Variants in RYR2 observed in about 807,000 individuals in gnomAD.
RYR2 encodes the protein cardiac muscle ryanodine receptor-calcium release channel.
Under a neutral mutation model 601.1 loss-of-function variants are expected in RYR2, and 227 were observed. The ratio of observed to expected loss-of-function variants is 0.38; its 90% CI spans 0.34 to 0.42. RYR2 has a LOEUF of 0.42. Ranked by LOEUF, RYR2 falls within the 10% of genes least tolerant of loss-of-function variation. The pLI, the probability that RYR2 is intolerant of heterozygous loss-of-function variation, is 1.00. For synonymous variants in RYR2, 2,223 were observed against 2,175.1 expected, an observed-to-expected ratio of 1.02 and a Z score of -0.61; for missense variants, 4,646 against 6,156.5, an observed-to-expected ratio of 0.75 and a Z score of 8.21.
intron 3 of RYR2, among the ~76,000 whole-genome samples, chr1:237,344,866 G>T (rs1056902086): frequency 8.5e-5 from 13 of 152,056 alleles, no homozygotes; most frequent in Admixed American, 7.2e-4. Context: ...GAGTGCAGTG[G>T]CACCATCTTG....
chr1:237,631,282 C>A (rs1020388115), intron 41 of RYR2, 145 bp from the exon 42 acceptor site: 2 of 583,170 alleles, frequency 3.4e-6, no homozygotes, highest in Admixed American at 3.4e-5. Context: ...CAATTACATT[C>A]ATTAATTTTT....
At chr1:237,503,261 A>C (rs1163474541) in intron 21 of RYR2, 28 bp from the exon 22 acceptor site, 1 of 1,559,522 alleles carries the variant, frequency 6.4e-7, no homozygotes, top group African/African-American at 1.4e-5. Flanking sequence ...CCAGAGATAA[A>C]ATTGACTCTA....
chr1:237,079,674 A>G (rs1312248617), intron 1 of RYR2, among the ~76,000 whole-genome samples: 1 of 124,644 alleles, frequency 8.0e-6, no homozygotes, highest in Non-Finnish European at 1.6e-5. Flanking sequence ...GGGTAGGAAG[A>G]ATCAATATCG....
chr1:237,100,663 G>A (rs1337081997), intron 1 of RYR2, among the ~76,000 whole-genome samples: 2 of 152,132 alleles, frequency 1.3e-5, no homozygotes, highest in African/African-American at 4.8e-5. Context: ...TGGGATCACA[G>A]GCATGAGCCA....
At chr1:237,602,200 T>A in intron 35 of RYR2, 89 bp downstream of exon 35, 1 of 882,544 alleles carries the variant, frequency 1.1e-6, no homozygotes, top group Non-Finnish European at 1.7e-6. Flanking sequence ...AGTATATTAG[T>A]ACTGATATGA....
intron 2 of RYR2, among the ~76,000 whole-genome samples, chr1:237,273,687 A>G (rs938940794): frequency 2.0e-5 from 3 of 152,028 alleles, no homozygotes; most frequent in Non-Finnish European, 2.9e-5. Flanking sequence ...AAAAGTAAAT[A>G]TAACTTTCAC....
Position 237,574,349 on chromosome 1 carries a change from T to TG in RYR2, c.3598+5031dup, listed in dbSNP as rs573630218. ...ATTGGGGAAGCCCAGGGAAAGAGGT[T>TG]GCAGTGTTCACTCTTATGGACAGAA... On this transcript the variant is annotated intron_variant, in intron 29 of 104. Transcript: ENST00000366574. Among the ~76,000 whole-genome samples the TG allele has an allele frequency of 6.8e-3, 1,029 of 152,278 alleles. 10 individuals carry two copies. Among genetic ancestry groups the TG allele is most frequent in the South Asian group, 0.011 (53 of 4,830 alleles).
chr1:237,141,164 C>A (rs1275805222), intron 1 of RYR2, among the ~76,000 whole-genome samples: 1 of 152,162 alleles, frequency 6.6e-6, no homozygotes, highest in African/African-American at 2.4e-5. Context: ...TCTTGTCTGG[C>A]TGTAGCTGCT....
rs1289440571 is a variant in RYR2 at position 237,569,167 on chromosome 1, A to G, written c.3446A>G (p.Asn1149Ser). Residue 1149 changes from asparagine (N) to serine (S), a missense_variant, in exon 29 of 105, where the codon AAT becomes AGT. Asn to Ser is a conservative substitution (Grantham distance 46). Around this residue, in one of 17 missense-constraint regions of RYR2, gnomAD observed 1,807 missense variants for 2,088.1 expected, o/e 0.87. Coordinates refer to ENST00000366574, the MANE Select transcript of RYR2 (RefSeq NM_001035.3). ...GFKAQRWHQG[N>S]EHYGRSWQAG... is the part of the protein sequence containing the mutation. ...TAGGCCCAGCGGTGGCATCAGGGCA[A>G]TGAACACTATGGGCGCTCTTGGCAA... The G allele has an allele frequency of 1.9e-6, 3 of 1,613,858 alleles. No homozygotes were observed. Among genetic ancestry groups the G allele is most frequent in the Admixed American group, 1.7e-5 (1 of 60,012 alleles).
At chr1:237,270,674 G>A in intron 2 of RYR2, 58 bp downstream of exon 2, 1 of 1,526,906 alleles carries the variant, frequency 6.5e-7, no homozygotes, top group South Asian at 1.2e-5. Flanking sequence ...TGGCATTGAA[G>A]TTATTTATGA....
chr1:237,611,901 T>A (rs1481336109), intron 36 of RYR2, among the ~76,000 whole-genome samples: 1 of 152,176 alleles, frequency 6.6e-6, no homozygotes, highest in Non-Finnish European at 1.5e-5. Flanking sequence ...CGTTAACATG[T>A]GATCTAGCAA....
At chr1:237,124,449 T>C (rs974944177) in intron 1 of RYR2, among the ~76,000 whole-genome samples, 4 of 152,220 alleles carry the variant, frequency 2.6e-5, no homozygotes, top group African/African-American at 9.6e-5. Flanking sequence ...TACATTATCT[T>C]ACAGTTTTGT....
At chr1:237,399,700 C>T (rs368602597) in intron 10 of RYR2, among the ~76,000 whole-genome samples, 6 of 152,028 alleles carry the variant, frequency 3.9e-5, no homozygotes, top group African/African-American at 7.3e-5. Flanking sequence ...AGGGTTGGAC[C>T]GCACAATCTG....
intron 90 of RYR2, 58 bp downstream of exon 90, chr1:237,785,030 A>ATGATCATTAGACCAGGTTTC: frequency 1.6e-6 from 2 of 1,231,920 alleles, no homozygotes; most frequent in Non-Finnish European, 2.3e-6. Context: ...GGTATAATAA[A>ATGATCATTAGACCAGGTTTC]TGATCATTAG....
chr1:237,826,618 G>A (rs951644109), intron 101 of RYR2, among the ~76,000 whole-genome samples: 4 of 149,908 alleles, frequency 2.7e-5, no homozygotes, highest in Admixed American at 6.7e-5. Flanking sequence ...CGTTCTGCAC[G>A]TGTACCCCAG....
At chr1:237,059,061 C>T (rs1662529881) in intron 1 of RYR2, among the ~76,000 whole-genome samples, 1 of 152,012 alleles carries the variant, frequency 6.6e-6, no homozygotes, top group Non-Finnish European at 1.5e-5. Context: ...AAAACAAGGA[C>T]CTGAACGTCA....
chr1:237,700,338 T>C lies in RYR2; in HGVS notation c.9238T>C (p.Phe3080Leu). The change falls in exon 65 of 105, where the codon TTC becomes CTC. Residue 3080 changes from phenylalanine to leucine, a missense_variant. Physicochemically the swap from Phe to Leu is conservative, Grantham distance 22 (BLOSUM62 0). Coordinates refer to ENST00000366574, the MANE Select transcript of RYR2 (RefSeq NM_001035.3). ...KTMENLKQGQFTHTRNQPKGV... is the reference protein window; with the variant it reads ...KTMENLKQGQLTHTRNQPKGV... ...CATGGAAAACCTCAAGCAGGGCCAG[T>C]TCACTCACACCCGAAACCAGCCCAA... 6.2e-7 allele frequency: 1 copy of C among 1,600,946 alleles called. No individual in the cohort carries two copies. Among genetic ancestry groups the C allele is most frequent in the Non-Finnish European group, 8.5e-7 (1 of 1,173,254 alleles).
chr1:237,209,497 A>ATGTGTGTGTGTGTGTGTGTGTGTGTG (rs55861841), intron 1 of RYR2, among the ~76,000 whole-genome samples: 33 of 143,304 alleles, frequency 2.3e-4, no homozygotes, highest in Non-Finnish European at 3.8e-4. Flanking sequence ...ATCTGCATAT[A>ATGTGTGTGTGTGTGTGTGTGTGTGTG]TGTGTGTGTG....
chr1:237,712,316 G>C (rs1688910406), intron 71 of RYR2, among the ~76,000 whole-genome samples: 1 of 152,066 alleles, frequency 6.6e-6, no homozygotes. Context: ...AGAGTGATTA[G>C]AGCAGGTGGA....
Sources: gnomAD v4.1 joint callset for allele counts (sites outside exome capture counted in the v4.1 genomes callset) on GRCh38, gnomAD v4.1.1 for gene constraint, gnomAD v4.1.1 regional missense constraint, MANE v1.5 for transcripts, NCBI Gene and HGNC (gene_info 2026-07-23, HGNC 2026-07-21) for gene names.